Variants in SAXO1 observed in about 807,000 individuals in gnomAD.
SAXO1 encodes stabilizer of axonemal microtubules 1.
SAXO1 carries 21 observed loss-of-function variants against 17.5 expected under a neutral mutation model. That is an observed-to-expected ratio of 1.20 (90% confidence interval 0.85 to 1.72). SAXO1 has a LOEUF of 1.72. SAXO1 is among the 40% of genes most tolerant of loss of function. SAXO1 has a pLI of 0.00. For synonymous variants in SAXO1, 274 were observed against 216.5 expected (o/e 1.27, Z -2.33); for missense variants, 843 against 596.0 (o/e 1.41, Z -4.32).
intron 1 of SAXO1, among the ~76,000 whole-genome samples, chr9:19,031,092 T>C (rs939855779): frequency 2.6e-5 from 4 of 152,212 alleles, no homozygotes; most frequent in African/African-American, 9.6e-5. Context: ...AAATGAGTCA[T>C]AACCCTACTG....
At chr9:19,023,050 G>C (rs1049545104) in intron 1 of SAXO1, among the ~76,000 whole-genome samples, 7 of 152,096 alleles carry the variant, frequency 4.6e-5, no homozygotes, top group Non-Finnish European at 7.4e-5. Context: ...AAAGGGCAGA[G>C]AGCCTCCCAG....
intron 1 of SAXO1, among the ~76,000 whole-genome samples, chr9:19,000,576 T>C (rs1032949661): frequency 1.3e-5 from 2 of 152,048 alleles, no homozygotes; most frequent in African/African-American, 4.8e-5. Context: ...CGCCCCACCA[T>C]CTGGGAAGAG....
At chr9:18,933,850 T>A (rs1235332541) in intron 3 of SAXO1, among the ~76,000 whole-genome samples, 1 of 152,096 alleles carries the variant, frequency 6.6e-6, no homozygotes, top group Non-Finnish European at 1.5e-5. Context: ...ATCAAGACCA[T>A]CCTGGCCAAC....
At chr9:18,933,263 T>G (rs1413053845) in intron 3 of SAXO1, among the ~76,000 whole-genome samples, 2 of 152,218 alleles carry the variant, frequency 1.3e-5, no homozygotes, top group Admixed American at 1.3e-4. Context: ...TCAAATGCTT[T>G]CTATCAACCA....
chr9:18,940,014 G>A (rs981851224), intron 3 of SAXO1, among the ~76,000 whole-genome samples: 1 of 152,194 alleles, frequency 6.6e-6, no homozygotes, highest in Non-Finnish European at 1.5e-5. Flanking sequence ...GCTTTGCTAG[G>A]AGGAAACAGC....
At chr9:19,006,298 G>A (rs191682111) in intron 1 of SAXO1, among the ~76,000 whole-genome samples, 8 of 152,294 alleles carry the variant, frequency 5.3e-5, no homozygotes, top group African/African-American at 1.9e-4. Flanking sequence ...TGAAAGCAGG[G>A]ACTGAAACAG....
chr9:19,043,096 T>G (rs1183516726), intron 1 of SAXO1, among the ~76,000 whole-genome samples: 2 of 151,240 alleles, frequency 1.3e-5, no homozygotes, highest in East Asian at 3.9e-4. Context: ...CACTTGAGCC[T>G]GAGAGGCAGA....
At chr9:19,007,579 A>AG (rs1350229676) in intron 1 of SAXO1, among the ~76,000 whole-genome samples, 12 of 152,280 alleles carry the variant, frequency 7.9e-5, no homozygotes, top group African/African-American at 2.9e-4. Context: ...CTAGGTAACC[A>AG]ACTTCTGTTT....
At chr9:18,951,659 T>A (rs879830733) in intron 1 of SAXO1, among the ~76,000 whole-genome samples, 1 of 152,204 alleles carries the variant, frequency 6.6e-6, no homozygotes, top group Admixed American at 6.5e-5. Flanking sequence ...TTTTCTCCCA[T>A]CACCCTGTGT....
intron 1 of SAXO1, among the ~76,000 whole-genome samples, chr9:18,983,282 C>A (rs1212018491): frequency 6.6e-6 from 1 of 152,084 alleles, no homozygotes. Flanking sequence ...TACATGGCAG[C>A]AGGAGACAGA....
At chr9:18,938,450 G>C (rs554151956) in intron 3 of SAXO1, among the ~76,000 whole-genome samples, 188 of 152,166 alleles carry the variant, frequency 1.2e-3, no homozygotes, top group African/African-American at 4.4e-3. Flanking sequence ...CAGAGAGCGC[G>C]AGTCGGGAGG....
intron 1 of SAXO1, among the ~76,000 whole-genome samples, chr9:19,013,540 ATTTTTT>A (rs1219136885): frequency 0.014 from 1,305 of 93,206 alleles, 14 homozygotes; most frequent in African/African-American, 0.052. Context: ...AAAAGTACGG[ATTTTTT>A]TTTTTTTTTT....
At chr9:19,020,211 C>T (rs1189685554) in intron 1 of SAXO1, among the ~76,000 whole-genome samples, 1 of 152,104 alleles carries the variant, frequency 6.6e-6, no homozygotes, top group Admixed American at 6.6e-5. Context: ...TTTTCACAAA[C>T]TGAAAAGGCC....
At chr9:18,957,247 C>A (rs1588438213) in intron 1 of SAXO1, among the ~76,000 whole-genome samples, 1 of 152,206 alleles carries the variant, frequency 6.6e-6, no homozygotes, top group Non-Finnish European at 1.5e-5. Flanking sequence ...TCCCACAGAA[C>A]TTTCTTTGCT....
intron 3 of SAXO1, among the ~76,000 whole-genome samples, chr9:18,930,606 T>C (rs1830999679): frequency 6.6e-6 from 1 of 152,094 alleles, no homozygotes; most frequent in Non-Finnish European, 1.5e-5. Context: ...TTCAAGCGAT[T>C]CTCCTGCCTC....
intron 1 of SAXO1, among the ~76,000 whole-genome samples, chr9:19,011,992 C>A: frequency 6.6e-6 from 1 of 151,918 alleles, no homozygotes; most frequent in Non-Finnish European, 1.5e-5. Context: ...ACTACAGGCG[C>A]AGGTCACCAT....
At chr9:19,020,853 C>T (rs1314678233) in intron 1 of SAXO1, among the ~76,000 whole-genome samples, 1 of 152,136 alleles carries the variant, frequency 6.6e-6, no homozygotes. Context: ...ACAATGGTGA[C>T]ATTGTTTTAA....
At chr9:19,007,876 G>A (rs1015220631) in intron 1 of SAXO1, among the ~76,000 whole-genome samples, 18 of 151,952 alleles carry the variant, frequency 1.2e-4, no homozygotes, top group Non-Finnish European at 2.5e-4. Context: ...GTTCTTTTAT[G>A]TATTGTCTAT....
At chr9:19,013,988 G>C (rs1420363318) in intron 1 of SAXO1, among the ~76,000 whole-genome samples, 1 of 152,138 alleles carries the variant, frequency 6.6e-6, no homozygotes, top group East Asian at 1.9e-4. Context: ...CAGGTTGTCA[G>C]TATAGTTAAT....
Sources: allele counts gnomAD v4.1 joint callset (sites outside exome capture counted in the v4.1 genomes callset), GRCh38; gene constraint gnomAD v4.1.1; transcripts MANE v1.5; gene names NCBI Gene and HGNC (gene_info 2026-07-23, HGNC 2026-07-21).